Variants in NCKAP1 observed in about 807,000 individuals in gnomAD.
NCKAP1 encodes NCK associated protein 1, also known as nck-associated protein 1.
In NCKAP1, 21 loss-of-function variants were observed where a neutral mutation model predicts 151.2. The observed-to-expected ratio is 0.14, with a 90% confidence interval of 0.10 to 0.20. The LOEUF is 0.20. Among genes scored for constraint, NCKAP1 ranks in the 10% least tolerant of loss-of-function variants. NCKAP1 has a pLI of 1.00. For synonymous variants in NCKAP1, 484 were observed against 451.8 expected, an observed-to-expected ratio of 1.07 and a Z score of -0.90; for missense variants, 933 against 1,352.1, an observed-to-expected ratio of 0.69 and a Z score of 4.86.
intron 1 of NCKAP1, among the ~76,000 whole-genome samples, chr2:183,032,016 T>C (rs1699013222): frequency 6.6e-6 from 1 of 152,208 alleles, no homozygotes; most frequent in South Asian, 2.1e-4. Flanking sequence ...AGAATTTACA[T>C]TTCAGTTATT....
intron 1 of NCKAP1, among the ~76,000 whole-genome samples, chr2:183,032,364 A>G (rs1330420036): frequency 6.6e-6 from 1 of 152,218 alleles, no homozygotes; most frequent in Non-Finnish European, 1.5e-5. Flanking sequence ...ACTCTAACAC[A>G]GTCATGCATT....
At chr2:182,972,994 T>C (rs370500120) in intron 15 of NCKAP1, among the ~76,000 whole-genome samples, 2 of 152,160 alleles carry the variant, frequency 1.3e-5, no homozygotes, top group African/African-American at 4.8e-5. Context: ...GGGGCAACTA[T>C]AGTTAATAAT....
chr2:182,961,582 G>T (rs193178697), intron 18 of NCKAP1, among the ~76,000 whole-genome samples: 1 of 152,096 alleles, frequency 6.6e-6, no homozygotes, highest in African/African-American at 2.4e-5. Context: ...CCTGTTGTGG[G>T]GTGGGGAAAT....
intron 9 of NCKAP1, among the ~76,000 whole-genome samples, chr2:182,987,213 G>C (rs899627825): frequency 2.0e-5 from 3 of 152,074 alleles, no homozygotes; most frequent in Non-Finnish European, 4.4e-5. Context: ...CTGCACTTCA[G>C]CCTGGGTGAC....
intron 2 of NCKAP1, among the ~76,000 whole-genome samples, chr2:183,012,845 G>A (rs1279895090): frequency 6.8e-6 from 1 of 147,876 alleles, no homozygotes; most frequent in African/African-American, 2.5e-5. Flanking sequence ...GGCTGGTCTC[G>A]AACTCCTGAC....
At chr2:183,017,868 G>C (rs942140402) in intron 2 of NCKAP1, among the ~76,000 whole-genome samples, 2 of 152,202 alleles carry the variant, frequency 1.3e-5, no homozygotes, top group East Asian at 1.9e-4. Context: ...CATTCTTCAA[G>C]AGCAATTTGT....
chr2:182,957,716 G>A (rs921453952), intron 18 of NCKAP1, 120 bp from the exon 19 acceptor site: 16 of 1,096,556 alleles, frequency 1.5e-5, no homozygotes, highest in Non-Finnish European at 2.0e-5. Context: ...AATATTAAAA[G>A]ACAGAAATAT....
intron 24 of NCKAP1, among the ~76,000 whole-genome samples, chr2:182,937,083 C>T (rs1409984602): frequency 1.6e-5 from 2 of 125,148 alleles, no homozygotes; most frequent in Non-Finnish European, 3.1e-5. Context: ...CCACTGCACT[C>T]GAGCCTAGGC....
chr2:182,916,810 T>C lies in NCKAP1; in HGVS notation c.*8892A>G, dbSNP rs1696475391. On this transcript the variant is annotated 3_prime_UTR_variant, in exon 31 of 31. Transcript: ENST00000361354. ...AATATAGTATAACATACATATAGTATAGAGCAGTCTTAAAATTAATTTTAG... is the reference window on the plus strand; with the variant it reads ...AATATAGTATAACATACATATAGTACAGAGCAGTCTTAAAATTAATTTTAG... The C allele has an allele frequency of 6.6e-6, 1 of 152,236 alleles. No homozygotes were observed. The highest frequency in any genetic ancestry group is 1.5e-5 in the Non-Finnish European group (1 of 68,046). 9.4% of individuals were successfully genotyped at this position (152,236 alleles called of 1,614,324 possible).
intron 9 of NCKAP1, among the ~76,000 whole-genome samples, chr2:182,987,836 C>T (rs1407472796): frequency 1.3e-5 from 2 of 151,914 alleles, no homozygotes; most frequent in Non-Finnish European, 2.9e-5. Flanking sequence ...ATAAGAATAT[C>T]AGTATGGTGA....
At chr2:183,034,072 T>G (rs1165717597) in intron 1 of NCKAP1, among the ~76,000 whole-genome samples, 1 of 152,062 alleles carries the variant, frequency 6.6e-6, no homozygotes, top group Non-Finnish European at 1.5e-5. Context: ...AAAGAGAAAA[T>G]AACACCCTAA....
intron 16 of NCKAP1, 152 bp from the exon 17 acceptor site, chr2:182,964,960 C>T: frequency 4.1e-6 from 2 of 492,588 alleles, no homozygotes; most frequent in Non-Finnish European, 7.1e-6. Context: ...ATCTTTTACA[C>T]ACCAATAATT....
At chr2:182,984,423 G>GGTGTGT (rs4018678) in intron 10 of NCKAP1, among the ~76,000 whole-genome samples, 2 of 144,278 alleles carry the variant, frequency 1.4e-5, no homozygotes, top group African/African-American at 2.5e-5. Context: ...TTTAGATTGG[G>GGTGTGT]GTGTGTGTGT....
chr2:182,949,564 G>A (rs1697174424), intron 23 of NCKAP1, among the ~76,000 whole-genome samples: 1 of 152,212 alleles, frequency 6.6e-6, no homozygotes, highest in Non-Finnish European at 1.5e-5. Context: ...CACTTTAAGA[G>A]GCTGAGGTGG....
intron 16 of NCKAP1, among the ~76,000 whole-genome samples, chr2:182,965,014 T>C (rs955298093): frequency 2.0e-5 from 3 of 152,104 alleles, no homozygotes; most frequent in Non-Finnish European, 4.4e-5. Context: ...AATAACAACA[T>C]TTTAAAAAAT....
intron 24 of NCKAP1, among the ~76,000 whole-genome samples, chr2:182,935,957 T>A (rs1696865694): frequency 6.6e-6 from 1 of 152,074 alleles, no homozygotes; most frequent in Admixed American, 6.6e-5. Context: ...ATTCTAAAAA[T>A]TATTAATAGA....
At chr2:182,956,071 T>C (rs1575028447) in intron 20 of NCKAP1, among the ~76,000 whole-genome samples, 2 of 152,320 alleles carry the variant, frequency 1.3e-5, no homozygotes, top group South Asian at 4.1e-4. Flanking sequence ...AGACAGAGTC[T>C]TGTTCTGTCA....
intron 2 of NCKAP1, among the ~76,000 whole-genome samples, chr2:183,010,342 C>G (rs755003889): frequency 6.6e-6 from 1 of 152,174 alleles, no homozygotes; most frequent in Non-Finnish European, 1.5e-5. Flanking sequence ...CCTGAGATAT[C>G]GTATCACATA....
intron 6 of NCKAP1, among the ~76,000 whole-genome samples, chr2:182,996,781 GCA>G (rs1310456869): frequency 6.6e-6 from 1 of 152,050 alleles, no homozygotes; most frequent in Non-Finnish European, 1.5e-5. Context: ...TAATCTGACT[GCA>G]CACAGAATGC....
Sources: allele counts gnomAD v4.1 joint callset (sites outside exome capture counted in the v4.1 genomes callset), GRCh38; gene constraint gnomAD v4.1.1; transcripts MANE v1.5; gene names NCBI Gene and HGNC (gene_info 2026-07-23, HGNC 2026-07-21).